TSC22D1: variants seen among roughly 807,000 people sequenced by gnomAD.
TSC22D1 encodes the protein TSC22 domain family protein 1.
A neutral mutation model predicts 74.2 loss-of-function variants in TSC22D1; 9 were observed. The observed-to-expected ratio is 0.12, with a 90% CI of 0.07 to 0.21. The LOEUF is 0.21. Ranked by LOEUF, TSC22D1 falls within the 10% of genes least tolerant of loss-of-function variation. The probability of loss-of-function intolerance (pLI) is 1.00; values close to 1 mark genes in which losing one functional copy is unlikely to be tolerated. For missense variants in TSC22D1, 1,427 were observed against 1,304.7 expected, an observed-to-expected ratio of 1.09 and a Z score of -1.44; for synonymous variants, 586 against 492.5, an observed-to-expected ratio of 1.19 and a Z score of -2.51.
intron 1 of TSC22D1, among the ~76,000 whole-genome samples, chr13:44,569,084 A>T (rs1883571502): frequency 1.3e-5 from 2 of 152,256 alleles, no homozygotes; most frequent in South Asian, 2.1e-4. Context: ...TTTATTTAAC[A>T]AATACCTACA....
chr13:44,432,522 C>T lies in TSC22D1; in HGVS notation c.*2104G>A, dbSNP rs1049990979. On this transcript the variant is annotated 3_prime_UTR_variant, in exon 3 of 3. Transcript: ENST00000458659. Reference sequence around the variant, plus strand: ...TTCCCCCAAAATATCTTTATGACAACTGCTATCAGCCTATGGCAGTGAGCC... The same window carrying T: ...TTCCCCCAAAATATCTTTATGACAATTGCTATCAGCCTATGGCAGTGAGCC... The T allele has an allele frequency of 2.0e-5, 3 of 152,012 alleles. No homozygotes were observed. Among genetic ancestry groups the T allele is most frequent in the African/African-American group, 7.2e-5 (3 of 41,426 alleles). 9.4% of individuals were successfully genotyped at this position (152,012 alleles called of 1,614,324 possible).
chr13:44,487,087 A>T (rs1021396832), intron 1 of TSC22D1, among the ~76,000 whole-genome samples: 3 of 152,208 alleles, frequency 2.0e-5, no homozygotes, highest in Non-Finnish European at 2.9e-5. Context: ...CAGAAGATGA[A>T]ACTCTTGTAT....
Position 44,433,745 on chromosome 13 carries a change from T to C in TSC22D1, c.*881A>G. On this transcript the variant is annotated 3_prime_UTR_variant, in exon 3 of 3. Transcript: ENST00000458659. The stretch of plus-strand genomic sequence containing the variant: ...TGAAAGACTTCAGTGAACAAGGATT[T>C]ACTTCAGCGTATTCAGCAGCTAGAT... 1 of 497,648 alleles carries C rather than the reference T, an allele frequency of 2.0e-6. No individual in the cohort carries two copies. Among genetic ancestry groups the C allele is most frequent in the Non-Finnish European group, 3.5e-6 (1 of 287,608 alleles). The allele number at this position is 497,648 out of a possible 1,614,324, so 30.8% of individuals were successfully genotyped here. A position where few individuals can be genotyped will look rare whatever the true frequency, so the allele number is the denominator to read the frequency against.
rs1027382855 is a variant in TSC22D1, at chr13:44,573,853, G to A, written c.2222C>T (p.Ala741Val). 3.1e-6 allele frequency: 5 copies of A among 1,614,110 alleles called. No individual in the cohort carries two copies. Among genetic ancestry groups the A allele is most frequent in the Admixed American group, 3.3e-5 (2 of 60,012 alleles). ...AACCTGGGTAGAGGGCTGCTGCACT[G>A]CAGTAGGTATGTTTGCTTGCTGACC... is the stretch of plus-strand genomic sequence containing the variant. The part of the protein sequence containing the change: ...NIGQQANIPT[A>V]VQQPSTQVPP... The change falls in exon 1 of 3, where the codon GCA becomes GTA. Residue 741 changes from alanine (A) to valine (V), a missense_variant. Coordinates refer to ENST00000458659, the MANE Select transcript of TSC22D1 (RefSeq NM_183422.4).
intron 1 of TSC22D1, among the ~76,000 whole-genome samples, chr13:44,440,424 A>C (rs186704663): frequency 6.6e-6 from 1 of 152,022 alleles, no homozygotes; most frequent in Non-Finnish European, 1.5e-5. Context: ...ACTTTAAAAA[A>C]AAACAAAAAC....
At chr13:44,447,499 G>T (rs1359279117) in intron 1 of TSC22D1, among the ~76,000 whole-genome samples, 1 of 152,038 alleles carries the variant, frequency 6.6e-6, no homozygotes, top group East Asian at 1.9e-4. Context: ...TGTTGAGTTT[G>T]TTGGTGATTA....
intron 1 of TSC22D1, among the ~76,000 whole-genome samples, chr13:44,529,043 A>C: frequency 6.6e-6 from 1 of 152,102 alleles, no homozygotes; most frequent in East Asian, 1.9e-4. Flanking sequence ...AATTCTCTAT[A>C]ATCTCTTTAG....
chr13:44,569,812 T>C (rs1883632505), intron 1 of TSC22D1, among the ~76,000 whole-genome samples: 2 of 152,072 alleles, frequency 1.3e-5, no homozygotes, highest in African/African-American at 2.4e-5. Context: ...TGAGGGACAA[T>C]ATAAACTTTA....
chr13:44,519,419 C>A (rs138471652), intron 1 of TSC22D1, among the ~76,000 whole-genome samples: 2 of 152,020 alleles, frequency 1.3e-5, no homozygotes, highest in Non-Finnish European at 2.9e-5. Context: ...AGAAATGGCA[C>A]GCAAAAATGT....
intron 1 of TSC22D1, among the ~76,000 whole-genome samples, chr13:44,439,499 G>A (rs1290807027): frequency 6.6e-6 from 1 of 152,170 alleles, no homozygotes; most frequent in African/African-American, 2.4e-5. Flanking sequence ...ACATTCAAAG[G>A]CTCTTCTAAT....
At chr13:44,446,936 AAC>A (rs541602183) in intron 1 of TSC22D1, among the ~76,000 whole-genome samples, 31 of 152,262 alleles carry the variant, frequency 2.0e-4, no homozygotes, top group East Asian at 5.8e-4. Flanking sequence ...TGTAGTAAAA[AAC>A]ACATAAAATT....
intron 1 of TSC22D1, among the ~76,000 whole-genome samples, chr13:44,444,667 GA>G (rs1875494687): frequency 6.6e-6 from 1 of 151,986 alleles, no homozygotes; most frequent in African/African-American, 2.4e-5. Flanking sequence ...GAGATTATCT[GA>G]AAAATACTTG....
At chr13:44,509,182 C>A (rs1431815774) in intron 1 of TSC22D1, among the ~76,000 whole-genome samples, 4 of 152,084 alleles carry the variant, frequency 2.6e-5, no homozygotes, top group East Asian at 1.9e-4. Context: ...GTACCCCCCC[C>A]AAAATGGTGC....
chr13:44,519,794 G>A (rs945830637), intron 1 of TSC22D1, among the ~76,000 whole-genome samples: 1 of 152,140 alleles, frequency 6.6e-6, no homozygotes, highest in African/African-American at 2.4e-5. Context: ...GGAAATCATG[G>A]ATTGAGACAA....
Position 44,517,763 on chromosome 13 carries a change from GTATA to G in TSC22D1, c.2912+55396_2912+55399del, listed in dbSNP as rs1240121290. Among the ~76,000 whole-genome samples, 97 of 120,110 alleles carry G rather than the reference GTATA, an allele frequency of 8.1e-4. 1 individual carries two copies. The highest frequency in any genetic ancestry group is 2.3e-3 in the East Asian group (10 of 4,266). The allele number at this position is 120,110 out of a possible 152,430, so 78.8% of individuals were successfully genotyped here. A position where few individuals can be genotyped will look rare whatever the true frequency, so the allele number is the denominator to read the frequency against. ...CATATATACGTATATATGTGTGTGT[GTATA>G]TATATATATACACATATATATACAT... On this transcript the variant is annotated intron_variant, in intron 1 of 2. Transcript: ENST00000458659.
chr13:44,507,973 T>G (rs1879515142), intron 1 of TSC22D1, among the ~76,000 whole-genome samples: 1 of 152,204 alleles, frequency 6.6e-6, no homozygotes, highest in Admixed American at 6.5e-5. Flanking sequence ...CGACAGCAGT[T>G]AAGTGTGGGA....
At chr13:44,517,848 TATA>T (rs1376739796) in intron 1 of TSC22D1, among the ~76,000 whole-genome samples, 8 of 32,710 alleles carry the variant, frequency 2.4e-4, no homozygotes, top group Non-Finnish European at 5.6e-4. Context: ...TATATATATA[TATA>T]TATATATTTT....
intron 1 of TSC22D1, among the ~76,000 whole-genome samples, chr13:44,437,789 AAAGT>A (rs1874849850): frequency 6.6e-6 from 1 of 152,314 alleles, no homozygotes; most frequent in Middle Eastern, 3.4e-3. Flanking sequence ...GAAATATTAT[AAAGT>A]ATGTATTCAA....
chr13:44,545,374 C>T (rs575082093), intron 1 of TSC22D1, among the ~76,000 whole-genome samples: 2 of 152,020 alleles, frequency 1.3e-5, no homozygotes, highest in African/African-American at 4.8e-5. Flanking sequence ...TTGCCACTGA[C>T]TCCTTAAAGT....
Sources: allele counts gnomAD v4.1 joint callset (sites outside exome capture counted in the v4.1 genomes callset), GRCh38; gene constraint gnomAD v4.1.1; transcripts MANE v1.5; gene names NCBI Gene and HGNC (gene_info 2026-07-23, HGNC 2026-07-21).